The following ABCA10 variants were observed in gnomAD, a reference collection of about 807,000 sequenced individuals.
ABCA10 encodes the protein ATP-binding cassette sub-family A member 10.
In ABCA10, 169 loss-of-function variants were observed where a neutral mutation model predicts 187.5. The observed-to-expected ratio is 0.90, with a 90% CI of 0.80 to 1.02. ABCA10 has a LOEUF of 1.02. Ranked by LOEUF, ABCA10 falls within the 50% of genes least tolerant of loss-of-function variation. The probability of loss-of-function intolerance (pLI) is 0.00; values close to 1 mark genes in which losing one functional copy is unlikely to be tolerated. For synonymous variants in ABCA10, 574 were observed against 601.8 expected (o/e 0.95, Z 0.68); for missense variants, 1,727 against 1,812.4 (o/e 0.95, Z 0.86).
At chr17:69,191,138 C>A in intron 17 of ABCA10, 38 bp downstream of exon 17, 1 of 1,484,542 alleles carries the variant, frequency 6.7e-7, no homozygotes. Flanking sequence ...CAATCGTGAA[C>A]ACTTACATAT....
chr17:69,216,217 C>A lies in ABCA10; in HGVS notation c.672G>T (p.Leu224Phe). The change falls in exon 7 of 39, where the codon TTG (leucine) becomes TTT (phenylalanine). Residue 224 changes from leucine to phenylalanine, a missense_variant and splice_region_variant. Leu to Phe is a conservative substitution (Grantham distance 22). Transcript: ENST00000690296. ...FTLYSLYGLS[L>F]IALAFLMSVL... ...AGGTAATATGCTTTTACCAACTCAC[C>A]AAAGAAAGGCCATATAAGCTATAGA... 1 of 1,605,994 alleles carries A rather than the reference C, an allele frequency of 6.2e-7. No individual in the cohort carries two copies. Among genetic ancestry groups the A allele is most frequent in the South Asian group, 1.1e-5 (1 of 88,862 alleles).
chr17:69,174,108 T>C (rs980257316), intron 25 of ABCA10, among the ~76,000 whole-genome samples, 173 bp downstream of exon 25: 6 of 151,960 alleles, frequency 3.9e-5, no homozygotes, highest in Non-Finnish European at 7.4e-5. Context: ...GGAAATAAAA[T>C]GAACAAAACA....
chr17:69,210,661 A>G (rs965726491), intron 9 of ABCA10, among the ~76,000 whole-genome samples: 14 of 151,922 alleles, frequency 9.2e-5, no homozygotes, highest in Non-Finnish European at 1.5e-4. Flanking sequence ...AAGCAAGAGC[A>G]TATGATGTTT....
intron 9 of ABCA10, among the ~76,000 whole-genome samples, chr17:69,213,279 G>C (rs1462118193): frequency 6.6e-6 from 1 of 151,990 alleles, no homozygotes; most frequent in African/African-American, 2.4e-5. Context: ...CCAAGAGTTT[G>C]TGTCTTTTGT....
At chr17:69,182,009 TG>T in intron 22 of ABCA10, 143 bp downstream of exon 22, 1 of 724,708 alleles carries the variant, frequency 1.4e-6, no homozygotes, top group East Asian at 3.4e-5. Context: ...ACTTTGCAGA[TG>T]AAGACACAAA....
chr17:69,174,221 G>C, intron 25 of ABCA10, 60 bp downstream of exon 25: 1 of 1,238,820 alleles, frequency 8.1e-7, no homozygotes, highest in Non-Finnish European at 1.1e-6. Context: ...ACTTAAATTT[G>C]CATTTAAAAA....
chr17:69,201,516 C>T lies in ABCA10; in HGVS notation c.1159G>A (p.Gly387Arg), dbSNP rs1291774015. The T allele has an allele frequency of 6.9e-6, 11 of 1,587,922 alleles. No individual in the cohort carries two copies. Among genetic ancestry groups the T allele is most frequent in the Non-Finnish European group, 9.4e-6 (11 of 1,171,402 alleles). ...CTTAGTTACCTTATGGCTTCTTTTCCATGGAATTCTGGAGACACCGGTTCA... is the reference window on the plus strand; with the variant it reads ...CTTAGTTACCTTATGGCTTCTTTTCTATGGAATTCTGGAGACACCGGTTCA... Reference protein sequence around the residue: ...SFEPVSPEFHGKEAIRIRNVI... With the variant: ...SFEPVSPEFHRKEAIRIRNVI... The change falls in exon 10 of 39, where the codon GGA (glycine) becomes AGA (arginine). Residue 387 changes from glycine to arginine, a missense_variant. Coordinates refer to ENST00000690296, the MANE Select transcript of ABCA10 (RefSeq NM_001377321.1).
In ABCA10 at chr17:69,193,172, T is replaced by C. The variant is rs1486494368; in HGVS notation, c.1718A>G (p.His573Arg). The stretch of plus-strand genomic sequence containing the variant: ...GAAGAGGATAAGTCGGTCTACTTTA[T>C]GCTCCTTCAGGAGGCTCCACACTCG... ...RHRVWSLLKEHKVDRLILFST... is the reference protein window; with the variant it reads ...RHRVWSLLKERKVDRLILFST... The change falls in exon 15 of 39, where the codon CAT (histidine) becomes CGT (arginine). Residue 573 changes from histidine (H) to arginine (R), a missense_variant. Transcript: ENST00000690296. 4 of 1,614,042 alleles carry C rather than the reference T, an allele frequency of 2.5e-6. No individual in the cohort carries two copies. Among genetic ancestry groups the C allele is most frequent in the Admixed American group, 1.7e-5 (1 of 59,998 alleles).
chr17:69,187,427 C>T lies in ABCA10; in HGVS notation c.2330+254G>A, dbSNP rs546952265. Among the ~76,000 whole-genome samples, 4 of 152,210 alleles carry T rather than the reference C, an allele frequency of 2.6e-5. No individual in the cohort carries two copies. In the South Asian group the frequency reaches 8.3e-4, roughly 32 times the overall value. On this transcript the variant is annotated intron_variant, in intron 19 of 38. Transcript: ENST00000690296. ...CTGCCTTAAAGTCAGCACAGGGAGACAGATTTGAGCTGGTCTCCTGTCTCC... is the reference window on the plus strand; with the variant it reads ...CTGCCTTAAAGTCAGCACAGGGAGATAGATTTGAGCTGGTCTCCTGTCTCC...
intron 9 of ABCA10, among the ~76,000 whole-genome samples, chr17:69,206,526 G>A (rs898106385): frequency 6.6e-6 from 1 of 152,180 alleles, no homozygotes; most frequent in Non-Finnish European, 1.5e-5. Flanking sequence ...CAATACCTGT[G>A]CCACCCCTTC....
At chr17:69,226,904 A>T (rs947530079) in intron 2 of ABCA10, among the ~76,000 whole-genome samples, 4 of 151,822 alleles carry the variant, frequency 2.6e-5, no homozygotes, top group Admixed American at 2.6e-4. Flanking sequence ...TCTGCAAAAG[A>T]TTATTTTTCA....
chr17:69,185,576 C>T lies in ABCA10; in HGVS notation c.2398G>A (p.Glu800Lys). ...GGTGAAAACTCCCAACAATGAGTTTCACGAGTTACTTTATACATTATCTTC... is the reference window on the plus strand; with the variant it reads ...GGTGAAAACTCCCAACAATGAGTTTTACGAGTTACTTTATACATTATCTTC... Reference protein sequence around the residue: ...LEKIMYKVTRETHCWEFSPSM... With the variant: ...LEKIMYKVTRKTHCWEFSPSM... Residue 800 changes from glutamate (E) to lysine (K), a missense_variant, in exon 20 of 39, where the codon GAA becomes AAA. Physicochemically the swap from Glu to Lys is moderately conservative, Grantham distance 56 (BLOSUM62 1). Transcript: ENST00000690296. 1 of 1,612,926 alleles carries T rather than the reference C, an allele frequency of 6.2e-7. No individual in the cohort carries two copies. The highest frequency in any genetic ancestry group is 8.5e-7 in the Non-Finnish European group (1 of 1,179,106).
intron 10 of ABCA10, 77 bp downstream of exon 10, chr17:69,201,423 T>A: frequency 8.0e-7 from 1 of 1,253,824 alleles, no homozygotes; most frequent in Non-Finnish European, 1.1e-6. Context: ...ACATAATCTA[T>A]ATCAACATTT....
At chr17:69,184,766 C>G (rs1427508044) in intron 20 of ABCA10, among the ~76,000 whole-genome samples, 1 of 151,936 alleles carries the variant, frequency 6.6e-6, no homozygotes, top group Non-Finnish European at 1.5e-5. Flanking sequence ...TATAGCAGCA[C>G]AGTTCACAAT....
At chr17:69,206,267 GT>G (rs1221929830) in intron 9 of ABCA10, among the ~76,000 whole-genome samples, 1 of 152,078 alleles carries the variant, frequency 6.6e-6, no homozygotes. Context: ...TGTAAAATTT[GT>G]CCCCCGACAT....
intron 6 of ABCA10, among the ~76,000 whole-genome samples, chr17:69,217,212 A>C (rs2074712906): frequency 6.6e-6 from 1 of 151,590 alleles, no homozygotes. Context: ...GTGCCATTGC[A>C]CTCCAGCCTG....
rs2074511839 is a variant in ABCA10 at position 69,197,111 on chromosome 17, A to C, written c.1187T>G (p.Val396Gly). 6.3e-7 allele frequency: 1 copy of C among 1,593,546 alleles called. No individual in the cohort carries two copies. The highest frequency in any genetic ancestry group is 2.2e-5 in the East Asian group (1 of 44,780). Residue 396 changes from valine (V) to glycine (G), a missense_variant, in exon 11 of 39, where the codon GTT becomes GGT. Transcript: ENST00000690296. Reference protein sequence around the residue: ...HGKEAIRIRNVIKEYNGKTGK... With the variant: ...HGKEAIRIRNGIKEYNGKTGK... ...AGTCTTTCCATTATATTCTTTTATA[A>C]CATTTCTGATTCTGAAAGAAGATGA...
chr17:69,216,047 C>T (rs1210956368), intron 7 of ABCA10, 47 bp from the exon 8 acceptor site: 1 of 1,574,468 alleles, frequency 6.4e-7, no homozygotes, highest in South Asian at 1.2e-5. Flanking sequence ...CTTGAAGATT[C>T]ATAAATAGCA....
At chr17:69,151,454 T>C (rs1006244309) in intron 36 of ABCA10, among the ~76,000 whole-genome samples, 2 of 152,130 alleles carry the variant, frequency 1.3e-5, no homozygotes, top group African/African-American at 4.8e-5. Flanking sequence ...ATTATAAAAA[T>C]AAATGAGTAG....
Sources: allele counts gnomAD v4.1 joint callset (sites outside exome capture counted in the v4.1 genomes callset), GRCh38; gene constraint gnomAD v4.1.1; transcripts MANE v1.5; gene names NCBI Gene and HGNC (gene_info 2026-07-23, HGNC 2026-07-21).